DTNBP1: variants seen among roughly 807,000 people sequenced by gnomAD.
DTNBP1 encodes the protein dysbindin.
DTNBP1 carries 35 observed loss-of-function variants against 42.8 expected under a neutral mutation model. The observed-to-expected ratio is 0.82, with a 90% CI of 0.63 to 1.09. The LOEUF (loss-of-function observed/expected upper bound fraction) is 1.09, where lower values mean the gene tolerates loss of function less well. Among genes scored for constraint, DTNBP1 ranks in the 50% least tolerant of loss-of-function variants. The pLI is 0.00. For synonymous variants in DTNBP1, 171 were observed against 162.2 expected, an observed-to-expected ratio of 1.05 and a Z score of -0.41; for missense variants, 457 against 424.2, an observed-to-expected ratio of 1.08 and a Z score of -0.68.
intron 7 of DTNBP1, among the ~76,000 whole-genome samples, chr6:15,556,513 T>C (rs1158166340): frequency 6.6e-6 from 1 of 152,198 alleles, no homozygotes; most frequent in Non-Finnish European, 1.5e-5. Context: ...CTTGTGCTCT[T>C]TGCTGTTGGC....
Position 15,562,724 on chromosome 6 carries a change from C to T in DTNBP1, c.512-29329G>A, listed in dbSNP as rs145597828. Among the ~76,000 whole-genome samples the T allele has an allele frequency of 7.0e-3, 1,060 of 152,280 alleles. 13 individuals carry two copies. The highest frequency in any genetic ancestry group is 0.042 in the South Asian group (204 of 4,830). ...GCATAATCACCCTTATTACAATCTC[C>T]TAAATTATGCAGGCCATAATCTCTG... On this transcript the variant is annotated intron_variant, in intron 7 of 9. Coordinates refer to ENST00000344537, the MANE Select transcript of DTNBP1 (RefSeq NM_032122.5).
At chr6:15,592,118 T>C (rs77272844) in intron 7 of DTNBP1, among the ~76,000 whole-genome samples, 61 of 152,304 alleles carry the variant, frequency 4.0e-4, no homozygotes, top group African/African-American at 1.4e-3. Flanking sequence ...CTTTATACCT[T>C]TTATCTTGAG....
At chr6:15,556,382 A>T (rs188142723) in intron 7 of DTNBP1, among the ~76,000 whole-genome samples, 37 of 152,018 alleles carry the variant, frequency 2.4e-4, no homozygotes, top group African/African-American at 7.2e-4. Flanking sequence ...GGGTTTCACC[A>T]TGTTGGCCAG....
chr6:15,548,236 G>A (rs1232429678), intron 7 of DTNBP1: 1 of 152,112 alleles, frequency 6.6e-6, no homozygotes, highest in African/African-American at 2.4e-5. Flanking sequence ...TAAAAGGTTT[G>A]AATTAATCAA....
At chr6:15,537,310 C>T (rs1323925979) in intron 7 of DTNBP1, among the ~76,000 whole-genome samples, 1 of 151,928 alleles carries the variant, frequency 6.6e-6, no homozygotes, top group African/African-American at 2.4e-5. Flanking sequence ...GTAATCCCAG[C>T]TACTTGGGAG....
At chr6:15,619,697 G>T (rs1386894682) in intron 5 of DTNBP1, among the ~76,000 whole-genome samples, 1 of 151,936 alleles carries the variant, frequency 6.6e-6, no homozygotes, top group Non-Finnish European at 1.5e-5. Flanking sequence ...TATTAATGAA[G>T]ATTTTATTTT....
chr6:15,556,343 A>G (rs1356315801), intron 7 of DTNBP1, among the ~76,000 whole-genome samples: 1 of 151,830 alleles, frequency 6.6e-6, no homozygotes, highest in Non-Finnish European at 1.5e-5. Flanking sequence ...CACCAAGCCC[A>G]GCTAATTTTT....
intron 4 of DTNBP1, among the ~76,000 whole-genome samples, chr6:15,629,634 A>G (rs1413545443): frequency 1.3e-5 from 2 of 152,210 alleles, no homozygotes; most frequent in African/African-American, 4.8e-5. Flanking sequence ...AACATTTTGA[A>G]CATTTTCTAA....
chr6:15,617,419 C>A (rs1204200549), intron 5 of DTNBP1, among the ~76,000 whole-genome samples: 2 of 151,812 alleles, frequency 1.3e-5, no homozygotes, highest in Non-Finnish European at 2.9e-5. Context: ...CCAGAGCAAT[C>A]CTGAGTTAAA....
Position 15,533,273 on chromosome 6 carries a change from A to C in DTNBP1, c.634T>G (p.Ser212Ala). The C allele has an allele frequency of 6.2e-7, 1 of 1,614,132 alleles. No homozygotes were observed. The highest frequency in any genetic ancestry group is 8.5e-7 in the Non-Finnish European group (1 of 1,180,028). ...AFQQDMEQYL[S>A]TGYLQIAERR... ...TCTGCAATCTGCAGGTAGCCAGTGG[A>C]CAGGTACTGCTCCATGTCCTGCTGG... The change falls in exon 8 of 10, where the codon TCC (serine) becomes GCC (alanine). Residue 212 changes from serine (S) to alanine (A), a missense_variant. By Grantham distance (99) the Ser-to-Ala change is moderately conservative. Coordinates refer to ENST00000344537, the MANE Select transcript of DTNBP1 (RefSeq NM_032122.5).
chr6:15,638,088 G>C (rs1760133357), intron 3 of DTNBP1, among the ~76,000 whole-genome samples: 2 of 151,950 alleles, frequency 1.3e-5, no homozygotes, highest in Admixed American at 1.3e-4. Context: ...AAATCAATGA[G>C]AGAGAAGAGA....
chr6:15,528,396 C>T (rs922214338), intron 8 of DTNBP1, among the ~76,000 whole-genome samples: 4 of 152,100 alleles, frequency 2.6e-5, no homozygotes, highest in African/African-American at 7.2e-5. Context: ...ACCCCAGGCA[C>T]GACAACCAAA....
chr6:15,526,444 GAA>G (rs529277832), intron 8 of DTNBP1, among the ~76,000 whole-genome samples: 1 of 152,230 alleles, frequency 6.6e-6, no homozygotes, highest in Non-Finnish European at 1.5e-5. Context: ...CTCAGGCTCA[GAA>G]AATCACTAAA....
chr6:15,563,215 C>T (rs1191609138), intron 7 of DTNBP1, among the ~76,000 whole-genome samples: 1 of 152,182 alleles, frequency 6.6e-6, no homozygotes, highest in Non-Finnish European at 1.5e-5. Flanking sequence ...ATTTTATGAC[C>T]TTCCTAATAA....
At chr6:15,646,171 TAAATAA>T (rs1248618409) in intron 3 of DTNBP1, among the ~76,000 whole-genome samples, 16 of 151,224 alleles carry the variant, frequency 1.1e-4, no homozygotes, top group African/African-American at 3.6e-4. Context: ...AATTAAAAAA[TAAATAA>T]AAATAAAATC....
At chr6:15,646,530 A>G (rs866379558) in intron 3 of DTNBP1, among the ~76,000 whole-genome samples, 2 of 152,024 alleles carry the variant, frequency 1.3e-5, no homozygotes, top group African/African-American at 4.8e-5. Flanking sequence ...TAAAATTCAT[A>G]TGGAATCAAA....
In DTNBP1 at chr6:15,523,075, A is replaced by C; in HGVS notation, c.956T>G (p.Val319Gly). The change falls in exon 10 of 10, where the codon GTT (valine) becomes GGT (glycine). Residue 319 changes from valine (V) to glycine (G), a missense_variant. By Grantham distance (109) the Val-to-Gly change is moderately radical (BLOSUM62 -3). Coordinates refer to ENST00000344537, the MANE Select transcript of DTNBP1 (RefSeq NM_032122.5). ...DISEGGESPV[V>G]QSDEEEVQVD... ...CTGAACTTCCTCCTCATCGGACTGA[A>C]CAACGGGGGACTCCCCACCCTCACT... is the stretch of plus-strand genomic sequence containing the variant. The C allele has an allele frequency of 6.2e-7, 1 of 1,614,206 alleles. No individual in the cohort carries two copies. The highest frequency in any genetic ancestry group is 8.5e-7 in the Non-Finnish European group (1 of 1,180,030).
Position 15,595,250 on chromosome 6 carries a change from CTTTTTTTTTTTTT to C in DTNBP1, c.489-2182_489-2170del, listed in dbSNP as rs561001975. The C allele has an allele frequency of 5.9e-3, 1,840 of 310,170 alleles. 20 individuals carry two copies. The highest frequency in any genetic ancestry group is 0.038 in the African/African-American group (964 of 25,402). The allele number at this position is 310,170 out of a possible 1,614,324, so 19.2% of individuals were successfully genotyped here. On this transcript the variant is annotated intron_variant, in intron 6 of 9. Coordinates refer to ENST00000344537, the MANE Select transcript of DTNBP1 (RefSeq NM_032122.5). ...AAAGAAAAAAATCAGTATTATGCAA[CTTTTTTTTTTTTT>C]TTTTTTTTTTTTTTTTTTTGAGACA...
At chr6:15,534,185 G>T (rs1265435375) in intron 7 of DTNBP1, among the ~76,000 whole-genome samples, 4 of 152,214 alleles carry the variant, frequency 2.6e-5, no homozygotes, top group Admixed American at 2.0e-4. Context: ...GGGCGTGGGA[G>T]CTTAGTGGTT....
Sources: gnomAD v4.1 joint callset for allele counts (sites outside exome capture counted in the v4.1 genomes callset) on GRCh38, gnomAD v4.1.1 for gene constraint, MANE v1.5 for transcripts, NCBI Gene and HGNC (gene_info 2026-07-23, HGNC 2026-07-21) for gene names.